Variants in MIGA1 observed in about 807,000 individuals in gnomAD.
The protein encoded by MIGA1 is mitoguardin 1, also known as family with sequence similarity 73, member A.
A neutral mutation model predicts 82.0 loss-of-function variants in MIGA1; 58 were observed. The ratio of observed to expected loss-of-function variants is 0.71; its 90% CI spans 0.57 to 0.88. The LOEUF (loss-of-function observed/expected upper bound fraction) is 0.88. MIGA1 is among the 40% of genes least tolerant of loss of function. The probability of loss-of-function intolerance (pLI) is 0.00; values close to 1 mark genes in which losing one functional copy is unlikely to be tolerated. For missense variants in MIGA1, 751 were observed against 749.1 expected, an observed-to-expected ratio of 1.00 and a Z score of -0.03; for synonymous variants, 249 against 253.6, an observed-to-expected ratio of 0.98 and a Z score of 0.17.
At chr1:77,824,564 A>C (rs555389570) in intron 7 of MIGA1, among the ~76,000 whole-genome samples, 10 of 152,342 alleles carry the variant, frequency 6.6e-5, no homozygotes, top group Non-Finnish European at 1.0e-4. Flanking sequence ...TCTAAAAATA[A>C]TTAAAATAGG....
chr1:77,815,930 GTTTTTCTT>G lies in MIGA1; in HGVS notation c.895+719_895+726del, dbSNP rs369276580. Among the ~76,000 whole-genome samples the G allele has an allele frequency of 2.6e-3, 398 of 151,870 alleles. 1 individual carries two copies. The highest frequency in any genetic ancestry group is 5.7e-3 in the African/African-American group (234 of 41,412). On this transcript the variant is annotated intron_variant, in intron 7 of 15. Transcript: ENST00000370791. ...ATTTTTTTTGTGGAGACAAGATGAG[GTTTTTCTT>G]TTTTTCTTTTTTTCTTTTTGAGGCA...
At chr1:77,796,079 C>T (rs1012948691) in intron 2 of MIGA1, among the ~76,000 whole-genome samples, 3 of 151,712 alleles carry the variant, frequency 2.0e-5, no homozygotes, top group African/African-American at 7.3e-5. Context: ...AAAGAAATTT[C>T]AGAATTTGCA....
chr1:77,837,633 T>G (rs1274277501), intron 7 of MIGA1, among the ~76,000 whole-genome samples: 3 of 152,240 alleles, frequency 2.0e-5, no homozygotes, highest in African/African-American at 7.2e-5. Context: ...ATGTTTATTT[T>G]GATTAATTGC....
intron 2 of MIGA1, among the ~76,000 whole-genome samples, chr1:77,797,989 T>A (rs1682728093): frequency 1.3e-5 from 2 of 152,202 alleles, no homozygotes; most frequent in African/African-American, 2.4e-5. Flanking sequence ...ATTGGTGAAA[T>A]GACATCCTTG....
intron 15 of MIGA1, among the ~76,000 whole-genome samples, chr1:77,874,217 G>A (rs1000080710): frequency 7.9e-5 from 12 of 151,550 alleles, no homozygotes; most frequent in African/African-American, 9.7e-5. Context: ...ATACTTATTC[G>A]TATACAGTTT....
chr1:77,860,009 C>T, intron 10 of MIGA1, 31 bp from the exon 11 acceptor site: 1 of 1,472,808 alleles, frequency 6.8e-7, no homozygotes, highest in Non-Finnish European at 9.4e-7. Context: ...TTATAGGTCT[C>T]TTTTTTCTTT....
At chr1:77,784,897 T>C (rs1251557042) in intron 2 of MIGA1, among the ~76,000 whole-genome samples, 1 of 152,164 alleles carries the variant, frequency 6.6e-6, no homozygotes, top group African/African-American at 2.4e-5. Context: ...CTGTCAGATA[T>C]TGTGACACTT....
At chr1:77,815,899 A>T (rs1163873910) in intron 7 of MIGA1, among the ~76,000 whole-genome samples, 1 of 151,766 alleles carries the variant, frequency 6.6e-6, no homozygotes, top group Non-Finnish European at 1.5e-5. Flanking sequence ...CTTGCTAATT[A>T]AAAAAATTTT....
At chr1:77,840,386 A>G (rs1471463958) in intron 7 of MIGA1, among the ~76,000 whole-genome samples, 2 of 152,340 alleles carry the variant, frequency 1.3e-5, no homozygotes, top group African/African-American at 4.8e-5. Flanking sequence ...CTAAAGTAAA[A>G]CAGACTTTTA....
intron 7 of MIGA1, among the ~76,000 whole-genome samples, chr1:77,835,079 T>C (rs1684378106): frequency 6.6e-6 from 1 of 152,200 alleles, no homozygotes; most frequent in South Asian, 2.1e-4. Flanking sequence ...AGAATGTGCC[T>C]AGGGATGGCA....
chr1:77,859,585 G>T, intron 10 of MIGA1, 199 bp downstream of exon 10: 1 of 516,042 alleles, frequency 1.9e-6, no homozygotes, highest in Non-Finnish European at 3.5e-6. Context: ...CCTCTCCCAT[G>T]GCTTCCCAGG....
chr1:77,860,135 G>T lies in MIGA1; in HGVS notation c.1275+9G>T. ...TTGTGAAAGCACGAAAGGTAAACTT[G>T]TTCTGTTGGCAAGATTTTTACCATT... On this transcript the variant is annotated intron_variant, in intron 11 of 15. Coordinates refer to ENST00000370791, the MANE Select transcript of MIGA1 (RefSeq NM_198549.4). 2 of 1,586,370 alleles carry T rather than the reference G, an allele frequency of 1.3e-6. No homozygotes were observed. Among genetic ancestry groups the T allele is most frequent in the Non-Finnish European group, 8.6e-7 (1 of 1,159,690 alleles).
chr1:77,857,094 G>A (rs989131021), intron 8 of MIGA1, among the ~76,000 whole-genome samples: 5 of 152,074 alleles, frequency 3.3e-5, no homozygotes, highest in Non-Finnish European at 7.4e-5. Flanking sequence ...CATTCAGTTC[G>A]CAGAATTTTT....
intron 14 of MIGA1, among the ~76,000 whole-genome samples, chr1:77,871,062 AGAGGGAGACCGTG>A (rs1396122446): frequency 7.9e-6 from 1 of 126,216 alleles, no homozygotes. Flanking sequence ...GCTCGGCATC[AGAGGGAGACCGTG>A]GAAGGAGACC....
At position 77,839,482 on chromosome 1, in the gene MIGA1, C is replaced by T. The variant is rs888905570; in HGVS notation, c.896-3825C>T. Among the ~76,000 whole-genome samples the T allele has an allele frequency of 1.1e-4, 16 of 151,818 alleles. No homozygotes were observed. The East Asian group carries it at 1.5e-3, about 15-fold the overall frequency. ...AACTTACGGGCTCAAGCGATTCTCC[C>T]GCATCAGCCTCCCGAGAAGCTGGAA... is the stretch of plus-strand genomic sequence containing the variant. On this transcript the variant is annotated intron_variant, in intron 7 of 15. Transcript: ENST00000370791.
intron 8 of MIGA1, among the ~76,000 whole-genome samples, chr1:77,851,206 T>G (rs568102540): frequency 3.5e-4 from 54 of 152,348 alleles, no homozygotes; most frequent in African/African-American, 1.2e-3. Flanking sequence ...TTTATGGTAC[T>G]TCTGAAATAT....
intron 7 of MIGA1, among the ~76,000 whole-genome samples, chr1:77,838,235 G>A (rs1215361622): frequency 2.0e-5 from 3 of 152,120 alleles, no homozygotes; most frequent in Non-Finnish European, 2.9e-5. Context: ...GTAAAACATT[G>A]CCAACTTTCA....
At chr1:77,779,927 C>T in intron 1 of MIGA1, 191 bp downstream of exon 1, 1 of 1,379,724 alleles carries the variant, frequency 7.2e-7, no homozygotes, top group Non-Finnish European at 9.3e-7. Flanking sequence ...TGAACACCCC[C>T]GACCTCGTCT....
intron 8 of MIGA1, among the ~76,000 whole-genome samples, chr1:77,858,439 C>G (rs1347980918): frequency 1.3e-5 from 2 of 151,990 alleles, no homozygotes; most frequent in African/African-American, 2.4e-5. Flanking sequence ...AAGTTTTACT[C>G]TTTTTAACAA....
Sources: gnomAD v4.1 joint callset for allele counts (sites outside exome capture counted in the v4.1 genomes callset) on GRCh38, gnomAD v4.1.1 for gene constraint, MANE v1.5 for transcripts, NCBI Gene and HGNC (gene_info 2026-07-23, HGNC 2026-07-21) for gene names.